TAMM41: variants seen among roughly 807,000 people sequenced by gnomAD.
The protein encoded by TAMM41 is phosphatidate cytidylyltransferase, mitochondrial.
A neutral mutation model predicts 44.1 loss-of-function variants in TAMM41; 36 were observed. That is an observed-to-expected ratio of 0.82 (90% CI 0.63 to 1.08). The LOEUF is 1.08. Among genes scored for constraint, TAMM41 ranks in the 50% least tolerant of loss-of-function variants. TAMM41 has a pLI of 0.00. For synonymous variants in TAMM41, 164 were observed against 153.1 expected, an observed-to-expected ratio of 1.07 and a Z score of -0.53; for missense variants, 417 against 404.3, an observed-to-expected ratio of 1.03 and a Z score of -0.27.
chr3:11,781,779 A>AATAATC, the TAMM41 span, among the ~76,000 whole-genome samples: 377 of 40,472 alleles, frequency 9.3e-3, 1 homozygote, highest in Non-Finnish European at 0.013. Flanking sequence ...TAATAATAAT[A>AATAATC]ATCATACAAA....
chr3:11,810,792 A>G (rs982866263), intron 5 of TAMM41: 1 of 152,182 alleles, frequency 6.6e-6, no homozygotes, highest in Non-Finnish European at 1.5e-5. Flanking sequence ...GGCCAGGAGC[A>G]CAGGTTCACA....
At chr3:11,829,625 A>T in intron 4 of TAMM41, 89 bp downstream of exon 4, 1 of 1,447,038 alleles carries the variant, frequency 6.9e-7, no homozygotes, top group Non-Finnish European at 9.5e-7. Context: ...AGACTGTAGC[A>T]GCTCCAGGGC....
At chr3:11,745,655 G>A in the TAMM41 span, among the ~76,000 whole-genome samples, 4 of 152,230 alleles carry the variant, frequency 2.6e-5, no homozygotes, top group African/African-American at 9.6e-5. Context: ...AAGTAGAATA[G>A]TGGTTGCCAG....
At chr3:11,824,637 G>C (rs1047456638) in intron 4 of TAMM41, among the ~76,000 whole-genome samples, 3 of 152,100 alleles carry the variant, frequency 2.0e-5, no homozygotes, top group Admixed American at 2.0e-4. Context: ...GGAAGTAATA[G>C]GGAGGACTCA....
the TAMM41 span, among the ~76,000 whole-genome samples, chr3:11,738,037 C>G: frequency 6.6e-6 from 1 of 152,200 alleles, no homozygotes; most frequent in East Asian, 1.9e-4. Context: ...TTCCAGGTGG[C>G]CCCAATGCCA....
At chr3:11,817,064 T>G in intron 5 of TAMM41, 128 bp downstream of exon 5, 1 of 971,626 alleles carries the variant, frequency 1.0e-6, no homozygotes, top group Non-Finnish European at 1.5e-6. Flanking sequence ...AGCCTATGTT[T>G]ACATACAGTA....
At chr3:11,826,530 CAAAAAAAAAAA>C (rs11388352) in intron 4 of TAMM41, among the ~76,000 whole-genome samples, 1 of 62,222 alleles carries the variant, frequency 1.6e-5, no homozygotes, top group Admixed American at 2.1e-4. Flanking sequence ...CCTTGTCTCT[CAAAAAAAAAAA>C]AAAAAAAAAA....
At chr3:11,766,010 T>G in the TAMM41 span, among the ~76,000 whole-genome samples, 1 of 152,134 alleles carries the variant, frequency 6.6e-6, no homozygotes, top group Non-Finnish European at 1.5e-5. Flanking sequence ...CTGGAGTCAA[T>G]AAAGATTTTT....
At chr3:11,833,426 C>T (rs2079060818) in intron 3 of TAMM41, among the ~76,000 whole-genome samples, 1 of 152,168 alleles carries the variant, frequency 6.6e-6, no homozygotes, top group Admixed American at 6.5e-5. Context: ...ATCACAAAGA[C>T]CACAGCCCTA....
At chr3:11,841,170 C>G (rs534588502) in intron 2 of TAMM41, among the ~76,000 whole-genome samples, 5 of 142,680 alleles carry the variant, frequency 3.5e-5, no homozygotes, top group Non-Finnish European at 7.5e-5. Context: ...ACAGCCCTAA[C>G]TCCCTGGGCT....
At chr3:11,746,586 C>A in the TAMM41 span, among the ~76,000 whole-genome samples, 1 of 150,498 alleles carries the variant, frequency 6.6e-6, no homozygotes, top group Non-Finnish European at 1.5e-5. Flanking sequence ...AAACATTATG[C>A]TGGGGGAAAA....
At chr3:11,725,405 C>CTTCTTT in the TAMM41 span, among the ~76,000 whole-genome samples, 2 of 134,988 alleles carry the variant, frequency 1.5e-5, no homozygotes, top group African/African-American at 5.9e-5. Context: ...TCTTCTTCCT[C>CTTCTTT]TTCTTCTTCT....
the TAMM41 span, among the ~76,000 whole-genome samples, chr3:11,753,023 T>G: frequency 3.3e-5 from 5 of 151,926 alleles, 1 homozygote; most frequent in African/African-American, 1.2e-4. Flanking sequence ...TCCGAAGGGG[T>G]TCAGATAGTG....
chr3:11,767,803 T>C, the TAMM41 span, among the ~76,000 whole-genome samples: 1 of 151,080 alleles, frequency 6.6e-6, no homozygotes, highest in African/African-American at 2.4e-5. Context: ...TTTTTGAATT[T>C]TAGTAGAGAT....
intron 3 of TAMM41, chr3:11,833,235 C>T (rs2079054109): frequency 1.8e-6 from 2 of 1,085,214 alleles, no homozygotes; most frequent in South Asian, 1.9e-5. Flanking sequence ...GCATAGATAA[C>T]ATTAGCACGA....
the TAMM41 span, among the ~76,000 whole-genome samples, chr3:11,725,242 C>T: frequency 7.7e-6 from 1 of 130,432 alleles, no homozygotes; most frequent in South Asian, 2.8e-4. Flanking sequence ...TCTCCTTCTC[C>T]TCCCCCTCCT....
the TAMM41 span, among the ~76,000 whole-genome samples, chr3:11,784,567 T>C: frequency 1.3e-5 from 2 of 152,274 alleles, no homozygotes; most frequent in East Asian, 1.9e-4. Flanking sequence ...AATGTGTATA[T>C]ACATACTCAC....
intron 4 of TAMM41, among the ~76,000 whole-genome samples, chr3:11,827,740 C>T (rs1357345264): frequency 6.6e-6 from 1 of 151,986 alleles, no homozygotes; most frequent in Non-Finnish European, 1.5e-5. Flanking sequence ...CTCTCATCCT[C>T]CACCTACTCT....
At chr3:11,747,873 A>ATTTT in the TAMM41 span, among the ~76,000 whole-genome samples, 6 of 38,102 alleles carry the variant, frequency 1.6e-4, no homozygotes, top group African/African-American at 4.0e-4. Flanking sequence ...TTTACTATTT[A>ATTTT]TTTATTTATT....
Sources: allele counts gnomAD v4.1 joint callset (sites outside exome capture counted in the v4.1 genomes callset), GRCh38; gene constraint gnomAD v4.1.1; transcripts MANE v1.5; gene names NCBI Gene and HGNC (gene_info 2026-07-23, HGNC 2026-07-21).